The following RAB27B variants were observed in gnomAD, a reference collection of about 807,000 sequenced individuals.
RAB27B encodes RAB27B, member RAS oncogene family.
RAB27B carries 15 observed loss-of-function variants against 24.6 expected under a neutral mutation model. The ratio of observed to expected loss-of-function variants is 0.61; its 90% CI spans 0.41 to 0.94. RAB27B has a LOEUF of 0.94. Among genes scored for constraint, RAB27B ranks in the 40% least tolerant of loss-of-function variants. RAB27B has a pLI of 0.00. For synonymous variants in RAB27B, 105 were observed against 92.5 expected (o/e 1.14, Z -0.78); for missense variants, 261 against 266.8 (o/e 0.98, Z 0.15).
Position 54,884,362 on chromosome 18 carries a change from G to A in RAB27B, c.269G>A (p.Arg90Lys). ...CGGAGTCTCACCACTGCATTTTTCA[G>A]AGACGCCATGGGCTTCTTATTAATG... Reference protein sequence around the residue: ...RFRSLTTAFFRDAMGFLLMFD... With the variant: ...RFRSLTTAFFKDAMGFLLMFD... Residue 90 changes from arginine to lysine, a missense_variant, in exon 4 of 6, where the codon AGA (arginine) becomes AAA (lysine). Physicochemically the swap from Arg to Lys is conservative, Grantham distance 26. Coordinates refer to ENST00000262094, the MANE Select transcript of RAB27B (RefSeq NM_004163.4). 3 of 1,612,844 alleles carry A rather than the reference G, an allele frequency of 1.9e-6. No homozygotes were observed. In the South Asian group the frequency reaches 3.3e-5, roughly 18 times the overall value.
At chr18:54,844,276 T>C (rs967063708) in intron 1 of RAB27B, among the ~76,000 whole-genome samples, 1 of 152,118 alleles carries the variant, frequency 6.6e-6, no homozygotes, top group Non-Finnish European at 1.5e-5. Flanking sequence ...GGAAGATCTG[T>C]GAGGGTTAAA....
chr18:54,753,510 T>G (rs1433922414), intron 2 of RAB27B, among the ~76,000 whole-genome samples: 3 of 152,168 alleles, frequency 2.0e-5, no homozygotes, highest in South Asian at 2.1e-4. Context: ...GTAAACAGAT[T>G]GTAAGCCCAC....
chr18:54,868,323 A>G (rs1417144841), intron 1 of RAB27B, among the ~76,000 whole-genome samples: 1 of 152,052 alleles, frequency 6.6e-6, no homozygotes, highest in African/African-American at 2.4e-5. Context: ...CATATGATGT[A>G]CCTGCTCCCC....
upstream of RAB27B, among the ~76,000 whole-genome samples, chr18:54,827,756 T>C (rs1318482207): frequency 6.6e-6 from 1 of 152,246 alleles, no homozygotes; most frequent in African/African-American, 2.4e-5. Flanking sequence ...TAACCTTGTA[T>C]TCTTACCTTT....
At chr18:54,845,026 T>C (rs189929676) in intron 1 of RAB27B, among the ~76,000 whole-genome samples, 1 of 152,170 alleles carries the variant, frequency 6.6e-6, no homozygotes, top group South Asian at 2.1e-4. Flanking sequence ...CAAAGCTTCT[T>C]ATGTATTAGG....
Position 54,832,269 on chromosome 18 carries a change from T to G in RAB27B, c.-20+3569T>G, listed in dbSNP as rs1288738129. 2.6e-5 allele frequency among the ~76,000 whole-genome samples: 4 copies of G among 151,750 alleles called. No individual in the cohort carries two copies. The East Asian group carries it at 7.7e-4, about 29-fold the overall frequency. ...CACTTGAAGGCAGAGCTGACAGAAC[T>G]TACTAATAAATTGGATAAAGGTGGA... On this transcript the variant is annotated intron_variant, in intron 1 of 5. Coordinates refer to ENST00000262094, the MANE Select transcript of RAB27B (RefSeq NM_004163.4).
intron 2 of RAB27B, among the ~76,000 whole-genome samples, chr18:54,720,595 G>C (rs565965890): frequency 6.6e-6 from 1 of 152,126 alleles, no homozygotes; most frequent in South Asian, 2.1e-4. Context: ...TAACATAAAG[G>C]AAGAAGTATC....
At chr18:54,856,568 T>C (rs960667977) in intron 1 of RAB27B, among the ~76,000 whole-genome samples, 1 of 152,224 alleles carries the variant, frequency 6.6e-6, no homozygotes, top group East Asian at 1.9e-4. Flanking sequence ...CTCTTATTAG[T>C]TGCAGTGACC....
intron 1 of RAB27B, among the ~76,000 whole-genome samples, chr18:54,844,412 T>TC (rs201723732): frequency 0.059 from 1,497 of 25,446 alleles, 19 homozygotes; most frequent in African/African-American, 0.081. Flanking sequence ...TCTTTTCTTT[T>TC]TTTTTTTTTT....
At chr18:54,866,921 A>G (rs892512399) in intron 1 of RAB27B, among the ~76,000 whole-genome samples, 1 of 152,154 alleles carries the variant, frequency 6.6e-6, no homozygotes, top group Admixed American at 6.5e-5. Flanking sequence ...CTGGGCAGGG[A>G]GGGTGCGATG....
At chr18:54,828,440 C>CGCG (rs1318295977), upstream of RAB27B, 3 of 152,346 alleles carry the variant, frequency 2.0e-5, no homozygotes, top group Non-Finnish European at 4.4e-5. Context: ...GCCCCGCCGC[C>CGCG]GCGGCGGACT....
intron 1 of RAB27B, among the ~76,000 whole-genome samples, chr18:54,864,477 T>C (rs1329026939): frequency 6.6e-6 from 1 of 150,638 alleles, no homozygotes; most frequent in African/African-American, 2.4e-5. Context: ...ATGGTGTCTA[T>C]TGAAGCACAA....
chr18:54,852,362 T>A (rs891515942), intron 1 of RAB27B, among the ~76,000 whole-genome samples: 3 of 152,196 alleles, frequency 2.0e-5, no homozygotes, highest in African/African-American at 7.2e-5. Flanking sequence ...TCAAACCACA[T>A]GTTTAACCCC....
intron 2 of RAB27B, among the ~76,000 whole-genome samples, chr18:54,773,358 G>C (rs1438640046): frequency 6.6e-6 from 1 of 152,202 alleles, no homozygotes; most frequent in African/African-American, 2.4e-5. Context: ...TGTAGAGGCA[G>C]AGTGGCTGCA....
At chr18:54,837,457 G>A (rs914026101) in intron 1 of RAB27B, among the ~76,000 whole-genome samples, 1 of 152,080 alleles carries the variant, frequency 6.6e-6, no homozygotes, top group Non-Finnish European at 1.5e-5. Flanking sequence ...AGGCAGGTTG[G>A]GGGAGGAAGA....
chr18:54,873,422 T>C (rs1338018770), intron 1 of RAB27B, among the ~76,000 whole-genome samples: 1 of 152,200 alleles, frequency 6.6e-6, no homozygotes, highest in African/African-American at 2.4e-5. Flanking sequence ...CTTCTGGCCT[T>C]TTCTTCCCTT....
At chr18:54,831,422 C>G (rs1910672678) in intron 1 of RAB27B, among the ~76,000 whole-genome samples, 1 of 152,102 alleles carries the variant, frequency 6.6e-6, no homozygotes, top group Admixed American at 6.6e-5. Flanking sequence ...TTTGAAGGTC[C>G]TAATGAACAT....
At chr18:54,882,794 C>G (rs1156680326) in intron 3 of RAB27B, among the ~76,000 whole-genome samples, 3 of 152,286 alleles carry the variant, frequency 2.0e-5, no homozygotes, top group African/African-American at 7.2e-5. Context: ...CCTGCAGAGC[C>G]TTGCCAGCTT....
intron 2 of RAB27B, among the ~76,000 whole-genome samples, chr18:54,751,192 A>T (rs906428203): frequency 1.3e-5 from 2 of 152,132 alleles, no homozygotes; most frequent in East Asian, 3.9e-4. Flanking sequence ...AGTAGTTCAT[A>T]TGAGAGGGGA....
Sources: allele counts gnomAD v4.1 joint callset (sites outside exome capture counted in the v4.1 genomes callset), GRCh38; gene constraint gnomAD v4.1.1; transcripts MANE v1.5; gene names NCBI Gene and HGNC (gene_info 2026-07-23, HGNC 2026-07-21).